RXFP1: variants seen among roughly 807,000 people sequenced by gnomAD.
RXFP1 encodes the protein relaxin family peptide receptor 1, also known as relaxin receptor 1.
In RXFP1, 73 loss-of-function variants were observed where a neutral mutation model predicts 89.8. The ratio of observed to expected loss-of-function variants is 0.81; its 90% CI spans 0.67 to 0.99. RXFP1 has a LOEUF of 0.99. Among genes scored for constraint, RXFP1 ranks in the 50% least tolerant of loss-of-function variants. The pLI is 0.00. For missense variants in RXFP1, 793 were observed against 895.5 expected (o/e 0.89, Z 1.46); for synonymous variants, 277 against 305.5 (o/e 0.91, Z 0.97).
At chr4:158,603,149 G>A (rs1384991988) in intron 4 of RXFP1, among the ~76,000 whole-genome samples, 1 of 152,018 alleles carries the variant, frequency 6.6e-6, no homozygotes, top group Non-Finnish European at 1.5e-5. Context: ...TCACTATGTT[G>A]CCAAGCTGGT....
At chr4:158,551,741 A>G (rs1156893703) in intron 1 of RXFP1, among the ~76,000 whole-genome samples, 5 of 152,146 alleles carry the variant, frequency 3.3e-5, no homozygotes, top group Non-Finnish European at 1.5e-5. Flanking sequence ...GGAATTCGAG[A>G]CCAGCCTGGG....
At chr4:158,542,835 A>C (rs1475222098) in intron 1 of RXFP1, among the ~76,000 whole-genome samples, 4 of 152,112 alleles carry the variant, frequency 2.6e-5, no homozygotes, top group African/African-American at 9.7e-5. Context: ...AAGGCATCAT[A>C]GGTGCAACAA....
chr4:158,553,479 A>T (rs182984631), intron 1 of RXFP1, among the ~76,000 whole-genome samples: 3 of 152,236 alleles, frequency 2.0e-5, no homozygotes, highest in Admixed American at 2.0e-4. Flanking sequence ...TGAAGGACTG[A>T]CACGGGACAG....
At chr4:158,534,606 A>T (rs2149804982) in intron 1 of RXFP1, among the ~76,000 whole-genome samples, 1 of 152,274 alleles carries the variant, frequency 6.6e-6, no homozygotes. Flanking sequence ...AGAGTCATTA[A>T]ATTGTTGATG....
chr4:158,522,319 A>G (rs369825834), intron 1 of RXFP1, among the ~76,000 whole-genome samples: 1 of 152,224 alleles, frequency 6.6e-6, no homozygotes, highest in Non-Finnish European at 1.5e-5. Flanking sequence ...TTTAAAGAGT[A>G]GTAATTCTTA....
chr4:158,544,377 T>C (rs534459919), intron 1 of RXFP1: 1 of 984,644 alleles, frequency 1.0e-6, no homozygotes, highest in Admixed American at 6.2e-5. Flanking sequence ...GAGGGACAGA[T>C]CACCCAGAAT....
At chr4:158,527,247 T>G (rs1742740744) in intron 1 of RXFP1, among the ~76,000 whole-genome samples, 1 of 152,054 alleles carries the variant, frequency 6.6e-6, no homozygotes, top group South Asian at 2.1e-4. Context: ...TTCCATTGAT[T>G]AAAACATATA....
intron 1 of RXFP1, among the ~76,000 whole-genome samples, chr4:158,548,760 A>G (rs1579516281): frequency 6.6e-6 from 1 of 152,160 alleles, no homozygotes; most frequent in East Asian, 1.9e-4. Flanking sequence ...CTTTTCTCTA[A>G]GAATGTTGAA....
intron 3 of RXFP1, among the ~76,000 whole-genome samples, chr4:158,593,866 GA>G (rs769475959): frequency 2.0e-5 from 3 of 152,266 alleles, no homozygotes; most frequent in East Asian, 3.9e-4. Flanking sequence ...AGAGAGGGCA[GA>G]AAAGCTGTTT....
chr4:158,548,214 T>G (rs1214264906), intron 1 of RXFP1, among the ~76,000 whole-genome samples: 1 of 152,216 alleles, frequency 6.6e-6, no homozygotes, highest in African/African-American at 2.4e-5. Flanking sequence ...ATGGCCTTCT[T>G]TGTCTCTTTT....
rs145605628 is a variant in RXFP1 at position 158,608,162 on chromosome 4, A to G, written c.536+119A>G. The G allele has an allele frequency of 3.1e-4, 201 of 644,622 alleles. No homozygotes were observed. In the African/African-American group the frequency reaches 3.5e-3, roughly 11 times the overall value. 39.9% of individuals were successfully genotyped at this position (644,622 alleles called of 1,614,324 possible). Reference sequence around the variant, plus strand: ...CCAAGGAGCCATGCAAGTGATGCTGAAGGGGCAGTAGAGCACCGTGGCTAA... The same window carrying G: ...CCAAGGAGCCATGCAAGTGATGCTGGAGGGGCAGTAGAGCACCGTGGCTAA... On this transcript the variant is annotated intron_variant, in intron 6 of 17. Coordinates refer to ENST00000307765, the MANE Select transcript of RXFP1 (RefSeq NM_021634.4).
At chr4:158,589,164 AACTC>A (rs1165592982) in intron 2 of RXFP1, among the ~76,000 whole-genome samples, 1 of 152,108 alleles carries the variant, frequency 6.6e-6, no homozygotes, top group Non-Finnish European at 1.5e-5. Context: ...ATCTCATGAA[AACTC>A]ACTCACTAGC....
chr4:158,563,969 CAT>C (rs761154095), intron 1 of RXFP1, among the ~76,000 whole-genome samples: 148 of 147,754 alleles, frequency 1.0e-3, no homozygotes, highest in Non-Finnish European at 1.7e-3. Flanking sequence ...TAATATATAA[CAT>C]ATGTATATAT....
In RXFP1 at chr4:158,608,055, T is replaced by C; in HGVS notation, c.536+12T>C. 6.4e-7 allele frequency: 1 copy of C among 1,558,074 alleles called. No homozygotes were observed. Among genetic ancestry groups the C allele is most frequent in the African/African-American group, 1.4e-5 (1 of 73,338 alleles). ...AGCCTTACTAAACTGTAAGTACCAG[T>C]GTGAATTAATTTGCCCATTCCATGG... On this transcript the variant is annotated intron_variant, in intron 6 of 17. Coordinates refer to ENST00000307765, the MANE Select transcript of RXFP1 (RefSeq NM_021634.4).
chr4:158,525,144 A>T (rs1035689927), intron 1 of RXFP1, among the ~76,000 whole-genome samples: 4 of 151,514 alleles, frequency 2.6e-5, no homozygotes, highest in African/African-American at 9.7e-5. Context: ...TATTTATCCA[A>T]TTCCAAAAGA....
chr4:158,615,409 G>A (rs1180835183), intron 8 of RXFP1, among the ~76,000 whole-genome samples: 1 of 152,098 alleles, frequency 6.6e-6, no homozygotes, highest in East Asian at 1.9e-4. Context: ...GGTGGCACAT[G>A]CCTATATCCC....
At chr4:158,588,425 G>A (rs547955011) in intron 2 of RXFP1, among the ~76,000 whole-genome samples, 168 of 152,278 alleles carry the variant, frequency 1.1e-3, no homozygotes, top group Admixed American at 3.4e-3. Flanking sequence ...GGAAGAGTGG[G>A]TGTAAACAAA....
chr4:158,557,211 A>T (rs1393250543), intron 1 of RXFP1, among the ~76,000 whole-genome samples: 1 of 152,326 alleles, frequency 6.6e-6, no homozygotes, highest in South Asian at 2.1e-4. Context: ...TAATTACAAT[A>T]TGTATGTATC....
chr4:158,631,363 T>A (rs1414720058), intron 11 of RXFP1, among the ~76,000 whole-genome samples: 1 of 152,356 alleles, frequency 6.6e-6, no homozygotes, highest in African/African-American at 2.4e-5. Flanking sequence ...AGTGTATTCA[T>A]AGTCTTCTAA....
Sources: gnomAD v4.1 joint callset for allele counts (sites outside exome capture counted in the v4.1 genomes callset) on GRCh38, gnomAD v4.1.1 for gene constraint, MANE v1.5 for transcripts, NCBI Gene and HGNC (gene_info 2026-07-23, HGNC 2026-07-21) for gene names.